Variants in CA10 observed in about 807,000 individuals in gnomAD.
The protein encoded by CA10 is carbonic anhydrase 10 (inactive).
Under a neutral mutation model 44.2 loss-of-function variants are expected in CA10, and 14 were observed. The ratio of observed to expected loss-of-function variants is 0.32; its 90% confidence interval spans 0.21 to 0.50. The LOEUF (loss-of-function observed/expected upper bound fraction) is 0.50. Among genes scored for constraint, CA10 ranks in the 20% least tolerant of loss-of-function variants. The pLI is 0.99. For synonymous variants in CA10, 159 were observed against 141.6 expected, an observed-to-expected ratio of 1.12 and a Z score of -0.87; for missense variants, 350 against 409.7, an observed-to-expected ratio of 0.85 and a Z score of 1.26.
chr17:51,862,663 T>C (rs1412308021), intron 3 of CA10, among the ~76,000 whole-genome samples: 2 of 152,132 alleles, frequency 1.3e-5, no homozygotes, highest in Non-Finnish European at 2.9e-5. Flanking sequence ...AATTTATTTC[T>C]GTACAGTTAT....
At chr17:51,759,358 C>CTGTGTG (rs5820879) in intron 3 of CA10, among the ~76,000 whole-genome samples, 2 of 141,978 alleles carry the variant, frequency 1.4e-5, no homozygotes, top group African/African-American at 2.6e-5. Flanking sequence ...CTTCTTTGCT[C>CTGTGTG]TGTGTGTGTG....
At chr17:51,794,252 T>G (rs530180221) in intron 3 of CA10, among the ~76,000 whole-genome samples, 1 of 152,322 alleles carries the variant, frequency 6.6e-6, no homozygotes, top group Non-Finnish European at 1.5e-5. Context: ...AACAGGGCAT[T>G]ATGCTGCCTG....
chr17:51,667,812 G>A (rs951401229), intron 4 of CA10, among the ~76,000 whole-genome samples: 3 of 152,164 alleles, frequency 2.0e-5, no homozygotes, highest in Non-Finnish European at 4.4e-5. Flanking sequence ...TGGTGCCCTT[G>A]TCCTAAGCTT....
At chr17:52,010,469 C>T (rs1985751216) in intron 2 of CA10, among the ~76,000 whole-genome samples, 1 of 151,882 alleles carries the variant, frequency 6.6e-6, no homozygotes, top group Non-Finnish European at 1.5e-5. Context: ...TAATGGCATT[C>T]ACAGCAACCT....
At chr17:51,744,264 G>A (rs950529429) in intron 4 of CA10, among the ~76,000 whole-genome samples, 3 of 150,744 alleles carry the variant, frequency 2.0e-5, no homozygotes, top group South Asian at 2.1e-4. Context: ...GCAGTGAACC[G>A]AGATCATGGC....
chr17:52,059,018 TAAC>T (rs563466774), intron 2 of CA10, among the ~76,000 whole-genome samples: 178 of 152,202 alleles, frequency 1.2e-3, no homozygotes, highest in Non-Finnish European at 2.2e-3. Context: ...GGAAAAGAAA[TAAC>T]AAAGTATTTC....
chr17:52,038,131 T>C (rs1307472789), intron 2 of CA10, among the ~76,000 whole-genome samples: 4 of 152,144 alleles, frequency 2.6e-5, no homozygotes, highest in African/African-American at 7.2e-5. Flanking sequence ...TAAAATGCAT[T>C]TCTAAATAAT....
chr17:51,788,639 A>G (rs1029690384), intron 3 of CA10, among the ~76,000 whole-genome samples: 2 of 152,218 alleles, frequency 1.3e-5, no homozygotes, highest in African/African-American at 4.8e-5. Context: ...TAATCTTTAA[A>G]AAACAAACAA....
chr17:52,122,366 TAAGAC>T (rs1367945683), intron 1 of CA10, among the ~76,000 whole-genome samples: 1 of 152,242 alleles, frequency 6.6e-6, no homozygotes, highest in Non-Finnish European at 1.5e-5. Flanking sequence ...TTTTAAAGCC[TAAGAC>T]AAAAGAGAAA....
At chr17:51,734,621 T>C (rs1916836029) in intron 4 of CA10, among the ~76,000 whole-genome samples, 1 of 152,118 alleles carries the variant, frequency 6.6e-6, no homozygotes, top group African/African-American at 2.4e-5. Flanking sequence ...CGGGTCTTCT[T>C]TGCAATAATA....
intron 4 of CA10, chr17:51,661,853 A>T (rs1914020832): frequency 6.6e-6 from 1 of 152,226 alleles, no homozygotes; most frequent in Non-Finnish European, 1.5e-5. Flanking sequence ...TTTCCTGTAA[A>T]GATTCAGATA....
At chr17:52,096,300 C>T (rs1988399550) in intron 1 of CA10, among the ~76,000 whole-genome samples, 1 of 152,152 alleles carries the variant, frequency 6.6e-6, no homozygotes, top group Non-Finnish European at 1.5e-5. Context: ...CTAATGAACA[C>T]ACACCTTCTA....
chr17:51,711,553 C>T (rs1003147073), intron 4 of CA10, among the ~76,000 whole-genome samples: 2 of 152,150 alleles, frequency 1.3e-5, no homozygotes, highest in African/African-American at 2.4e-5. Context: ...AACTAGATGT[C>T]TTCTGTTGGG....
chr17:51,706,568 C>A (rs542839935), intron 4 of CA10, among the ~76,000 whole-genome samples: 2 of 152,220 alleles, frequency 1.3e-5, no homozygotes, highest in African/African-American at 4.8e-5. Flanking sequence ...GCCTTTGCCC[C>A]CTATGGTCTT....
chr17:51,995,222 T>G (rs186119937), intron 2 of CA10, among the ~76,000 whole-genome samples: 37 of 152,154 alleles, frequency 2.4e-4, no homozygotes, highest in Non-Finnish European at 2.9e-5. Context: ...TTATAAAATA[T>G]TTGGTACAAA....
At chr17:52,021,244 A>G (rs1435899714) in intron 2 of CA10, among the ~76,000 whole-genome samples, 2 of 152,100 alleles carry the variant, frequency 1.3e-5, no homozygotes, top group Admixed American at 1.3e-4. Flanking sequence ...TGTCTTTGCC[A>G]TTTTGAATAC....
intron 1 of CA10, among the ~76,000 whole-genome samples, chr17:52,110,700 G>C (rs1044909094): frequency 1.3e-5 from 2 of 152,276 alleles, no homozygotes; most frequent in East Asian, 3.9e-4. Context: ...TGCACCAAAA[G>C]GTTGGTTCCC....
At chr17:52,130,019 T>A (rs1279583781) in intron 1 of CA10, among the ~76,000 whole-genome samples, 3 of 152,178 alleles carry the variant, frequency 2.0e-5, no homozygotes, top group Non-Finnish European at 4.4e-5. Flanking sequence ...AAAGAAAGCA[T>A]ATAAAGAGCT....
At chr17:51,678,014 G>A (rs2873938) in intron 4 of CA10, among the ~76,000 whole-genome samples, 72,586 of 151,858 alleles carry the variant, frequency 0.48, 18,848 homozygotes, top group East Asian at 0.67. Flanking sequence ...ATGAATGAAT[G>A]GGCAATTTGT....
Sources: gnomAD v4.1 joint callset for allele counts (sites outside exome capture counted in the v4.1 genomes callset) on GRCh38, gnomAD v4.1.1 for gene constraint, MANE v1.5 for transcripts, NCBI Gene and HGNC (gene_info 2026-07-23, HGNC 2026-07-21) for gene names.